The following PCDHGA5 variants were observed in gnomAD, a reference collection of about 807,000 sequenced individuals.
PCDHGA5 encodes protocadherin gamma-A5.
In PCDHGA5, 36 loss-of-function variants were observed where a neutral mutation model predicts 56.7. That is an observed-to-expected ratio of 0.64 (90% CI 0.49 to 0.84). PCDHGA5 has a LOEUF of 0.84. Among genes scored for constraint, PCDHGA5 ranks in the 40% least tolerant of loss-of-function variants. The pLI is 0.00. For synonymous variants in PCDHGA5, 563 were observed against 520.2 expected (o/e 1.08, Z -1.12); for missense variants, 1,305 against 1,201.5 (o/e 1.09, Z -1.27).
chr5:141,422,997 C>G, intron 1 of PCDHGA5: 1 of 1,614,218 alleles, frequency 6.2e-7, no homozygotes, highest in South Asian at 1.1e-5. Flanking sequence ...ACCTGGTGAC[C>G]AAGGTGGTTG....
chr5:141,433,437 T>C (rs1422634356), intron 1 of PCDHGA5, among the ~76,000 whole-genome samples: 2 of 152,076 alleles, frequency 1.3e-5, no homozygotes, highest in Admixed American at 1.3e-4. Flanking sequence ...AGTCTCACTA[T>C]GTTGAGCAGG....
Position 141,489,391 on chromosome 5 carries a change from G to C in PCDHGA5, c.2422-5416G>C. 6.2e-7 allele frequency: 1 copy of C among 1,614,174 alleles called. No individual in the cohort carries two copies. The highest frequency in any genetic ancestry group is 8.5e-7 in the Non-Finnish European group (1 of 1,180,022). ...GACGCTGGTGGGGAATGTTGCTCAG[G>C]ATCTGGGCTTAAAGATGACAGATCT... On this transcript the variant is annotated intron_variant, in intron 1 of 3. Transcript: ENST00000518069. This position sits in a 1 kb window ranked among gnomAD's most constrained non-coding sequence, Gnocchi z 4.5.
chr5:141,411,285 A>C (rs2095477948), intron 1 of PCDHGA5: 1 of 152,218 alleles, frequency 6.6e-6, no homozygotes, highest in South Asian at 2.1e-4. Flanking sequence ...AAAAATATTC[A>C]GAAGACAGGC....
chr5:141,415,355 G>A (rs1200011688), intron 1 of PCDHGA5: 2 of 1,614,210 alleles, frequency 1.2e-6, no homozygotes, highest in Non-Finnish European at 1.7e-6. Context: ...CACAAGTCAC[G>A]CCTGCTGCAG....
In PCDHGA5 at chr5:141,486,727, T is replaced by C; in HGVS notation, c.2422-8080T>C. ...TGAACCCCCAGACAGGAGCTGTTCA[T>C]GCTACTCGATCCTTTGACTATGAGC... On this transcript the variant is annotated intron_variant, in intron 1 of 3. Transcript: ENST00000518069. The surrounding 1 kb of genome is among the most constrained non-coding windows in gnomAD (Gnocchi z 5.0). 6.2e-7 allele frequency: 1 copy of C among 1,614,232 alleles called. No homozygotes were observed. Among genetic ancestry groups the C allele is most frequent in the Non-Finnish European group, 8.5e-7 (1 of 1,180,044 alleles).
chr5:141,387,995 T>TCC (rs2091190111), intron 1 of PCDHGA5: 1 of 1,490,632 alleles, frequency 6.7e-7, no homozygotes, highest in Admixed American at 2.1e-5. Flanking sequence ...GCTACAGGAT[T>TCC]CCCGAGGAAA....
chr5:141,392,830 G>A lies in PCDHGA5; in HGVS notation c.2421+26079G>A, dbSNP rs747812941. ...AAAACAACAATGGCCGCTCCACAGA[G>A]TCGCCCCAGACGCGGCGAGCTGATC... On this transcript the variant is annotated intron_variant, in intron 1 of 3. Transcript: ENST00000518069. The A allele has an allele frequency of 1.6e-5, 26 of 1,604,568 alleles. No individual in the cohort carries two copies. Among genetic ancestry groups the A allele is most frequent in the Non-Finnish European group, 2.0e-5 (24 of 1,175,404 alleles).
intron 1 of PCDHGA5, chr5:141,433,013 AC>A: frequency 6.2e-7 from 1 of 1,614,018 alleles, no homozygotes; most frequent in Non-Finnish European, 8.5e-7. Flanking sequence ...TTTCCTGCAG[AC>A]CTATTCCCAC....
chr5:141,381,122 C>G (rs1328848955), intron 1 of PCDHGA5, among the ~76,000 whole-genome samples: 2 of 152,200 alleles, frequency 1.3e-5, no homozygotes, highest in Admixed American at 1.3e-4. Context: ...TCCCTGTATT[C>G]TGGAGCAATG....
intron 1 of PCDHGA5, chr5:141,371,270 C>A: frequency 6.2e-7 from 1 of 1,614,012 alleles, no homozygotes. Context: ...GACAACTGTT[C>A]AAGCTGGACA....
chr5:141,477,571 C>T lies in PCDHGA5; in HGVS notation c.2422-17236C>T, dbSNP rs1470454976. The T allele has an allele frequency of 8.1e-6, 13 of 1,614,160 alleles. No individual in the cohort carries two copies. Among genetic ancestry groups the T allele is most frequent in the Middle Eastern group, 1.7e-4 (1 of 6,060 alleles). ...TAAACCTAAGTGTCTGGGACCCCGACGCCCCGCAGAATGCTCGGCTTTCTT... is the reference window on the plus strand; with the variant it reads ...TAAACCTAAGTGTCTGGGACCCCGATGCCCCGCAGAATGCTCGGCTTTCTT... On this transcript the variant is annotated intron_variant, in intron 1 of 3. Transcript: ENST00000518069. This position sits in a 1 kb window ranked among gnomAD's most constrained non-coding sequence, Gnocchi z 4.9.
At chr5:141,466,022 T>C (rs1053231186) in intron 1 of PCDHGA5, among the ~76,000 whole-genome samples, 4 of 151,628 alleles carry the variant, frequency 2.6e-5, no homozygotes, top group African/African-American at 9.7e-5. Flanking sequence ...CTCGGGAGGG[T>C]GAGGCAGGAG....
At position 141,374,492 on chromosome 5, in the gene PCDHGA5, G is replaced by A. The variant is rs770971184; in HGVS notation, c.2421+7741G>A. The A allele has an allele frequency of 5.3e-5, 85 of 1,611,364 alleles. No individual in the cohort carries two copies. The highest frequency in any genetic ancestry group is 6.9e-5 in the Non-Finnish European group (81 of 1,177,766). On this transcript the variant is annotated intron_variant, in intron 1 of 3. Transcript: ENST00000518069. ...CAATACACCCCGATTCTTAAAGGAA[G>A]AATTGGAAGTGAAAATTCTCGAAAA... is the stretch of plus-strand genomic sequence containing the variant.
chr5:141,497,573 T>C (rs1231425210), intron 2 of PCDHGA5, among the ~76,000 whole-genome samples: 1 of 149,502 alleles, frequency 6.7e-6, no homozygotes, highest in South Asian at 2.1e-4. Context: ...AGAGTCTTGC[T>C]CTGTTGCCCA....
chr5:141,383,730 G>T (rs781549329), intron 1 of PCDHGA5: 2 of 1,613,866 alleles, frequency 1.2e-6, no homozygotes, highest in Admixed American at 3.3e-5. Context: ...ATGGGGAAGT[G>T]ACATATTCTT....
chr5:141,405,016 C>G (rs538744733), intron 1 of PCDHGA5: 1 of 1,613,888 alleles, frequency 6.2e-7, no homozygotes. Flanking sequence ...AGGCCTCAGA[C>G]CTTACCCTCT....
intron 1 of PCDHGA5, chr5:141,376,394 C>T (rs1772639427): frequency 3.1e-6 from 5 of 1,614,110 alleles, no homozygotes; most frequent in South Asian, 1.1e-5. Context: ...TCTGATTTTC[C>T]CCCAGCCCAA....
intron 1 of PCDHGA5, chr5:141,388,978 CT>C (rs1389375857): frequency 6.2e-7 from 1 of 1,613,972 alleles, no homozygotes; most frequent in East Asian, 2.2e-5. Flanking sequence ...ACACATATTG[CT>C]TTGCTCAAAG....
chr5:141,422,106 C>G (rs763336868), intron 1 of PCDHGA5: 1 of 1,607,266 alleles, frequency 6.2e-7, no homozygotes, highest in Admixed American at 1.7e-5. Flanking sequence ...CTGAAATATT[C>G]CAATTGGATT....
Sources: gnomAD v4.1 joint callset for allele counts (sites outside exome capture counted in the v4.1 genomes callset) on GRCh38, gnomAD v4.1.1 for gene constraint, Gnocchi (gnomAD v3.1) non-coding constraint, MANE v1.5 for transcripts, NCBI Gene and HGNC (gene_info 2026-07-23, HGNC 2026-07-21) for gene names.